CSMD2: variants seen among roughly 807,000 people sequenced by gnomAD.
The protein encoded by CSMD2 is CUB and Sushi multiple domains 2, also known as CUB and sushi domain-containing protein 2.
In CSMD2, 130 loss-of-function variants were observed where a neutral mutation model predicts 398.5. That is an observed-to-expected ratio of 0.33 (90% CI 0.28 to 0.38). The LOEUF (loss-of-function observed/expected upper bound fraction) is 0.38, where lower values mean the gene tolerates loss of function less well. Ranked by LOEUF, CSMD2 falls within the 10% of genes least tolerant of loss-of-function variation. The probability of loss-of-function intolerance (pLI) is 1.00; values close to 1 mark genes in which losing one functional copy is unlikely to be tolerated. For missense variants in CSMD2, 3,829 were observed against 4,764.9 expected (o/e 0.80, Z 5.78); for synonymous variants, 1,828 against 1,908.5 (o/e 0.96, Z 1.10).
intron 10 of CSMD2, among the ~76,000 whole-genome samples, chr1:33,804,055 TC>T (rs1655935415): frequency 6.6e-6 from 1 of 152,192 alleles, no homozygotes; most frequent in South Asian, 2.1e-4. Flanking sequence ...CTTTAACCTT[TC>T]CATGATTCAG....
At chr1:33,606,022 A>G (rs1164686945) in intron 41 of CSMD2, 1 of 1,600,490 alleles carries the variant, frequency 6.2e-7, no homozygotes, top group South Asian at 1.1e-5. Flanking sequence ...CAGAGGGAGT[A>G]GCTGGGCTAA....
At chr1:33,711,890 C>T (rs779371895) in intron 21 of CSMD2, among the ~76,000 whole-genome samples, 1 of 152,194 alleles carries the variant, frequency 6.6e-6, no homozygotes, top group African/African-American at 2.4e-5. Context: ...TCCTGACTCC[C>T]TGTCAGGCCT....
intron 23 of CSMD2, 149 bp downstream of exon 23, chr1:33,700,368 C>A (rs570539848): frequency 4.0e-5 from 30 of 751,152 alleles, no homozygotes; most frequent in Non-Finnish European, 5.7e-5. Context: ...ATTTTGTTTA[C>A]CCATGCATCC....
At chr1:33,747,322 A>T (rs1000086596) in intron 13 of CSMD2, among the ~76,000 whole-genome samples, 4 of 152,218 alleles carry the variant, frequency 2.6e-5, no homozygotes, top group African/African-American at 9.6e-5. Context: ...TCCTGCCCAA[A>T]CTCTAGGGTA....
At chr1:33,669,523 T>A (rs74066682) in intron 25 of CSMD2, among the ~76,000 whole-genome samples, 4,914 of 152,274 alleles carry the variant, frequency 0.032, 283 homozygotes, top group African/African-American at 0.11. Context: ...CCCAGTTGCC[T>A]TCTCCCATTC....
Position 33,714,792 on chromosome 1 carries a change from A to C in CSMD2, c.3218-17T>G, listed in dbSNP as rs1224355479. 1 of 1,612,574 alleles carries C rather than the reference A, an allele frequency of 6.2e-7. No individual in the cohort carries two copies. The highest frequency in any genetic ancestry group is 1.1e-5 in the South Asian group (1 of 91,056). On this transcript the variant is annotated splice_polypyrimidine_tract_variant and intron_variant, in intron 20 of 70. Transcript: ENST00000373381. ...AGTCGTACTCTGGAAAGGTAGCAGG[A>C]GATCCGGGCTCAGAGACATTGCGGG...
At chr1:33,597,053 C>A (rs1218338239) in intron 44 of CSMD2, among the ~76,000 whole-genome samples, 1 of 151,930 alleles carries the variant, frequency 6.6e-6, no homozygotes, top group Non-Finnish European at 1.5e-5. Flanking sequence ...GTTCCTAAAC[C>A]ATGTTTTTTT....
At chr1:33,904,830 T>C (rs1454705575) in intron 5 of CSMD2, among the ~76,000 whole-genome samples, 1 of 152,170 alleles carries the variant, frequency 6.6e-6, no homozygotes, top group African/African-American at 2.4e-5. Flanking sequence ...GTATTTTTAA[T>C]AGACATGGGG....
At chr1:33,643,032 G>T (rs1210142706) in intron 29 of CSMD2, among the ~76,000 whole-genome samples, 1 of 152,140 alleles carries the variant, frequency 6.6e-6, no homozygotes, top group Non-Finnish European at 1.5e-5. Context: ...CCCTAAGCAA[G>T]ACCCCTGAAG....
rs1642582735 is a variant in CSMD2, at chr1:33,633,355, C to T, written c.5200+67G>A. On this transcript the variant is annotated intron_variant, in intron 32 of 70. Coordinates refer to ENST00000373381, the MANE Select transcript of CSMD2 (RefSeq NM_001281956.2). The surrounding 1 kb of genome is among the most constrained non-coding windows in gnomAD (Gnocchi z 5.0). ...CGGCCATGGGGTGCTTCTAGAGCCTCCTTCCTTTAGCCGGACGTGATGCCC... is the reference window on the plus strand; with the variant it reads ...CGGCCATGGGGTGCTTCTAGAGCCTTCTTCCTTTAGCCGGACGTGATGCCC... 8.1e-7 allele frequency: 1 copy of T among 1,232,046 alleles called. No individual in the cohort carries two copies. The highest frequency in any genetic ancestry group is 2.7e-4 in the Middle Eastern group (1 of 3,750). 76.3% of individuals were successfully genotyped at this position (1,232,046 alleles called of 1,614,324 possible). A position where few individuals can be genotyped will look rare whatever the true frequency, so the allele number is the denominator to read the frequency against.
chr1:34,014,174 C>G (rs1647758295), intron 3 of CSMD2, among the ~76,000 whole-genome samples: 1 of 152,228 alleles, frequency 6.6e-6, no homozygotes, highest in African/African-American at 2.4e-5. Flanking sequence ...CCCAGAGCGC[C>G]CCCTGGCTTC....
chr1:34,054,850 T>A (rs1325687506), intron 2 of CSMD2, among the ~76,000 whole-genome samples: 1 of 152,118 alleles, frequency 6.6e-6, no homozygotes, highest in East Asian at 1.9e-4. Context: ...TAGGGCACCT[T>A]CCCAGAACTA....
At chr1:33,751,562 T>G (rs1360246476) in intron 13 of CSMD2, among the ~76,000 whole-genome samples, 3 of 151,952 alleles carry the variant, frequency 2.0e-5, no homozygotes, top group African/African-American at 7.3e-5. Context: ...GCTACAGAAG[T>G]TTGGGTATGA....
intron 4 of CSMD2, among the ~76,000 whole-genome samples, chr1:33,924,385 T>C (rs984861958): frequency 6.6e-6 from 1 of 152,214 alleles, no homozygotes; most frequent in East Asian, 1.9e-4. Flanking sequence ...TGTATGTGTA[T>C]ACCACATACA....
intron 4 of CSMD2, among the ~76,000 whole-genome samples, chr1:33,924,512 T>C (rs111386066): frequency 0.035 from 5,269 of 152,296 alleles, 293 homozygotes; most frequent in African/African-American, 0.12. Flanking sequence ...GGGGTGCAGG[T>C]ATCCCTTTGA....
intron 3 of CSMD2, among the ~76,000 whole-genome samples, chr1:34,026,010 G>A (rs192796070): frequency 6.6e-6 from 1 of 152,302 alleles, no homozygotes; most frequent in East Asian, 1.9e-4. Context: ...AGTCAAGTAA[G>A]GTTAGGATGA....
intron 6 of CSMD2, among the ~76,000 whole-genome samples, chr1:33,829,947 G>C (rs1366016534): frequency 6.6e-6 from 1 of 152,250 alleles, no homozygotes; most frequent in African/African-American, 2.4e-5. Flanking sequence ...GCAGCAGCAA[G>C]GCGGGGGGAG....
chr1:34,047,690 G>T (rs1275743426), intron 2 of CSMD2, among the ~76,000 whole-genome samples: 1 of 152,184 alleles, frequency 6.6e-6, no homozygotes, highest in South Asian at 2.1e-4. Flanking sequence ...TGATAAGGAT[G>T]CATCCAGGGA....
chr1:33,785,895 A>T (rs1217106760), intron 12 of CSMD2, among the ~76,000 whole-genome samples: 1 of 152,166 alleles, frequency 6.6e-6, no homozygotes, highest in Non-Finnish European at 1.5e-5. Context: ...ACAGCTCTCA[A>T]ATCTCCCAAG....
Sources: allele counts gnomAD v4.1 joint callset (sites outside exome capture counted in the v4.1 genomes callset), GRCh38; gene constraint gnomAD v4.1.1; non-coding constraint Gnocchi (gnomAD v3.1); transcripts MANE v1.5; gene names NCBI Gene and HGNC (gene_info 2026-07-23, HGNC 2026-07-21).